The following NFIB variants were observed in gnomAD, a reference collection of about 807,000 sequenced individuals.
NFIB encodes nuclear factor 1 B-type.
In NFIB, 11 loss-of-function variants were observed where a neutral mutation model predicts 61.5. That is an observed-to-expected ratio of 0.18 (90% CI 0.11 to 0.30). The LOEUF is 0.30. Among genes scored for constraint, NFIB ranks in the 10% least tolerant of loss-of-function variants. The probability of loss-of-function intolerance (pLI) is 1.00; values close to 1 mark genes in which losing one functional copy is unlikely to be tolerated. For synonymous variants in NFIB, 260 were observed against 216.5 expected (o/e 1.20, Z -1.76); for missense variants, 471 against 608.9 (o/e 0.77, Z 2.38).
chr9:14,376,518 AT>A (rs35781223), intron 1 of NFIB, among the ~76,000 whole-genome samples: 15,654 of 140,956 alleles, frequency 0.11, 802 homozygotes, highest in East Asian at 0.21. Context: ...TAAAAGTGTC[AT>A]TTTTTTTTTT....
chr9:14,139,769 C>T (rs1023898079), intron 6 of NFIB, among the ~76,000 whole-genome samples: 1 of 152,146 alleles, frequency 6.6e-6, no homozygotes, highest in Non-Finnish European at 1.5e-5. Flanking sequence ...GTGGGGAATT[C>T]TGATGAAAGC....
the NFIB span, among the ~76,000 whole-genome samples, chr9:14,420,382 G>T: frequency 5.2e-5 from 7 of 135,678 alleles, no homozygotes; most frequent in African/African-American, 1.9e-4. Context: ...GGAGGTGGAG[G>T]TTCCGGTGAA....
At chr9:14,312,713 A>G (rs1205379783) in intron 1 of NFIB, among the ~76,000 whole-genome samples, 1 of 152,202 alleles carries the variant, frequency 6.6e-6, no homozygotes, top group African/African-American at 2.4e-5. Flanking sequence ...GTCGAAAAAA[A>G]TGACCTTACT....
chr9:14,187,572 G>A (rs2382447), intron 2 of NFIB, among the ~76,000 whole-genome samples: 151,337 of 152,282 alleles, frequency 0.99, 75,204 homozygotes, highest in Middle Eastern at 1. Flanking sequence ...GTAGATATAC[G>A]ATATATCCTG....
chr9:14,166,580 T>A (rs2044817281), intron 3 of NFIB, among the ~76,000 whole-genome samples: 1 of 152,218 alleles, frequency 6.6e-6, no homozygotes. Context: ...TGGAATAGCA[T>A]TAGTCCTTTT....
At chr9:14,473,076 C>T in the NFIB span, among the ~76,000 whole-genome samples, 1 of 152,196 alleles carries the variant, frequency 6.6e-6, no homozygotes, top group Non-Finnish European at 1.5e-5. Context: ...ACCCCACACC[C>T]TACCTAAGGA....
At chr9:14,248,799 A>G (rs2055240908) in intron 2 of NFIB, among the ~76,000 whole-genome samples, 1 of 152,194 alleles carries the variant, frequency 6.6e-6, no homozygotes, top group Admixed American at 6.5e-5. Flanking sequence ...CTAGTGAGGA[A>G]GGGAACATTT....
At chr9:14,347,073 C>A (rs1393936058) in intron 1 of NFIB, among the ~76,000 whole-genome samples, 1 of 151,256 alleles carries the variant, frequency 6.6e-6, no homozygotes, top group Non-Finnish European at 1.5e-5. Flanking sequence ...CCGCCCGGCG[C>A]GAAGGGTGCG....
chr9:14,270,558 G>A (rs183297476), intron 2 of NFIB, among the ~76,000 whole-genome samples: 3 of 104,728 alleles, frequency 2.9e-5, no homozygotes, highest in African/African-American at 1.1e-4. Context: ...TGAGAGATGA[G>A]TTCTAAAAAG....
chr9:14,480,249 G>C, the NFIB span, among the ~76,000 whole-genome samples: 1 of 152,014 alleles, frequency 6.6e-6, no homozygotes, highest in Non-Finnish European at 1.5e-5. Flanking sequence ...CCAGGTCATA[G>C]GGCAATTACC....
chr9:14,430,712 G>T, the NFIB span, among the ~76,000 whole-genome samples: 2 of 152,158 alleles, frequency 1.3e-5, no homozygotes, highest in African/African-American at 4.8e-5. Context: ...CTCCCAAGTA[G>T]CTGGGATGAC....
At position 14,084,202 on chromosome 9, in the gene NFIB, C is replaced by T. The variant is rs1025714202; in HGVS notation, c.*4107G>A. On this transcript the variant is annotated 3_prime_UTR_variant, in exon 11 of 11. Coordinates refer to ENST00000380953, the MANE Select transcript of NFIB (RefSeq NM_001190737.2). The stretch of plus-strand genomic sequence containing the variant: ...TTTTAACTCAAGTCCAGTCTCTAAA[C>T]AAGGAATATTCTTGTTTACTTTAAA... 1 of 200,112 alleles carries T rather than the reference C, an allele frequency of 5.0e-6. No homozygotes were observed. Among genetic ancestry groups the T allele is most frequent in the Non-Finnish European group, 1.0e-5 (1 of 96,912 alleles). The allele number at this position is 200,112 out of a possible 1,614,324, so 12.4% of individuals were successfully genotyped here. A position where few individuals can be genotyped will look rare whatever the true frequency, so the allele number is the denominator to read the frequency against.
chr9:14,096,177 T>C (rs1287296709), intron 10 of NFIB, among the ~76,000 whole-genome samples: 2 of 152,160 alleles, frequency 1.3e-5, no homozygotes, highest in South Asian at 2.1e-4. Context: ...TCTGTAAATA[T>C]GGCACTTTAC....
the NFIB span, among the ~76,000 whole-genome samples, chr9:14,488,136 G>C: frequency 1.3e-5 from 2 of 152,076 alleles, no homozygotes; most frequent in African/African-American, 4.8e-5. Flanking sequence ...CCCGCACTTG[G>C]GAGGATTGCT....
the NFIB span, among the ~76,000 whole-genome samples, chr9:14,449,216 C>T: frequency 6.6e-6 from 1 of 152,204 alleles, no homozygotes; most frequent in African/African-American, 2.4e-5. Context: ...TCGTTAGTGT[C>T]AGGGTCCAAC....
chr9:14,296,356 C>T (rs557550706), intron 2 of NFIB, among the ~76,000 whole-genome samples: 7 of 152,360 alleles, frequency 4.6e-5, no homozygotes, highest in South Asian at 4.1e-4. Context: ...GCTGAAGTGA[C>T]TTGACCAAGG....
At chr9:14,455,207 A>T in the NFIB span, among the ~76,000 whole-genome samples, 3 of 152,260 alleles carry the variant, frequency 2.0e-5, no homozygotes, top group Non-Finnish European at 4.4e-5. Flanking sequence ...ATGCAGGTGC[A>T]AAGTAGTAAA....
At chr9:14,170,822 T>C (rs2045483787) in intron 3 of NFIB, among the ~76,000 whole-genome samples, 1 of 152,218 alleles carries the variant, frequency 6.6e-6, no homozygotes, top group African/African-American at 2.4e-5. Context: ...ATATAGGTTA[T>C]AGCAATAGCC....
At chr9:14,326,303 A>G (rs1470650664) in intron 1 of NFIB, among the ~76,000 whole-genome samples, 1 of 152,248 alleles carries the variant, frequency 6.6e-6, no homozygotes, top group Non-Finnish European at 1.5e-5. Context: ...ATAGTCGCCC[A>G]TCATAAAGAA....
Sources: gnomAD v4.1 joint callset for allele counts (sites outside exome capture counted in the v4.1 genomes callset) on GRCh38, gnomAD v4.1.1 for gene constraint, MANE v1.5 for transcripts, NCBI Gene and HGNC (gene_info 2026-07-23, HGNC 2026-07-21) for gene names.